PPP1R42: variants seen among roughly 807,000 people sequenced by gnomAD.
PPP1R42 encodes the protein protein phosphatase 1 regulatory subunit 42, also known as leucine rich repeat containing 67.
PPP1R42 carries 34 observed loss-of-function variants against 31.0 expected under a neutral mutation model. The observed-to-expected ratio is 1.10, with a 90% CI of 0.83 to 1.46. The LOEUF (loss-of-function observed/expected upper bound fraction) is 1.46, where lower values mean the gene tolerates loss of function less well. Ranked by LOEUF, PPP1R42 falls within the 40% of genes most tolerant of loss-of-function variation. The pLI is 0.00. For missense variants in PPP1R42, 268 were observed against 303.0 expected (o/e 0.88, Z 0.86); for synonymous variants, 103 against 109.8 (o/e 0.94, Z 0.39).
intron 7 of PPP1R42, among the ~76,000 whole-genome samples, chr8:66,965,318 T>C (rs948282378): frequency 2.0e-5 from 3 of 151,942 alleles, no homozygotes; most frequent in South Asian, 4.2e-4. Context: ...TTGGTGATTA[T>C]GAATAATATT....
chr8:67,006,532 CT>C (rs1436010824), intron 5 of PPP1R42, among the ~76,000 whole-genome samples: 1 of 152,034 alleles, frequency 6.6e-6, no homozygotes, highest in Non-Finnish European at 1.5e-5. Context: ...TTGCTAATTT[CT>C]TTTTTAATTT....
intron 1 of PPP1R42, among the ~76,000 whole-genome samples, chr8:67,023,484 A>G (rs1563436112): frequency 6.6e-6 from 1 of 152,046 alleles, no homozygotes; most frequent in Non-Finnish European, 1.5e-5. Flanking sequence ...TAGAAATTGT[A>G]TTTTCTGTTT....
At chr8:67,016,755 C>G (rs1289129602) in intron 2 of PPP1R42, among the ~76,000 whole-genome samples, 1 of 152,158 alleles carries the variant, frequency 6.6e-6, no homozygotes, top group African/African-American at 2.4e-5. Context: ...CCACGCTTAG[C>G]CAGGATAAAT....
intron 6 of PPP1R42, among the ~76,000 whole-genome samples, chr8:66,986,812 T>TTTCTA (rs1178123475): frequency 6.6e-6 from 1 of 152,180 alleles, no homozygotes; most frequent in Non-Finnish European, 1.5e-5. Context: ...AAGTAAATAC[T>TTTCTA]TTCACAGTCG....
chr8:67,002,129 G>T (rs867925972), intron 5 of PPP1R42, among the ~76,000 whole-genome samples: 1 of 152,282 alleles, frequency 6.6e-6, no homozygotes, highest in Middle Eastern at 3.4e-3. Context: ...CAAGAAGCTT[G>T]TAATAATTCT....
chr8:66,971,226 A>G, intron 7 of PPP1R42: 1 of 999,450 alleles, frequency 1.0e-6, no homozygotes. Context: ...TAGATTATCT[A>G]AAAATTAAAT....
chr8:67,023,792 G>A (rs1816295488), intron 1 of PPP1R42, among the ~76,000 whole-genome samples: 1 of 151,724 alleles, frequency 6.6e-6, no homozygotes, highest in Admixed American at 6.6e-5. Context: ...CACCAAGTAT[G>A]ATATCTGCTG....
chr8:66,986,409 A>C (rs1815017253), intron 6 of PPP1R42, among the ~76,000 whole-genome samples: 1 of 152,170 alleles, frequency 6.6e-6, no homozygotes, highest in Non-Finnish European at 1.5e-5. Flanking sequence ...CACAAACTTC[A>C]GCCCCGAGAC....
chr8:67,023,632 C>T (rs1391157732), intron 1 of PPP1R42, among the ~76,000 whole-genome samples: 1 of 152,070 alleles, frequency 6.6e-6, no homozygotes, highest in African/African-American at 2.4e-5. Context: ...GAGTAACAGT[C>T]TACTACTTCC....
At chr8:66,984,168 A>C in intron 6 of PPP1R42, 33 of 1,592,596 alleles carry the variant, frequency 2.1e-5, no homozygotes, top group Non-Finnish European at 2.8e-5. Flanking sequence ...CACTCAGCGC[A>C]AGGTCCCAGT....
intron 5 of PPP1R42, among the ~76,000 whole-genome samples, chr8:67,006,952 C>A (rs1815703906): frequency 6.7e-6 from 1 of 150,212 alleles, no homozygotes; most frequent in Non-Finnish European, 1.5e-5. Context: ...ACCATGTTAG[C>A]CAGGATGGTC....
intron 2 of PPP1R42, among the ~76,000 whole-genome samples, chr8:67,016,761 T>C (rs572593225): frequency 2.6e-5 from 4 of 152,340 alleles, no homozygotes; most frequent in African/African-American, 9.6e-5. Flanking sequence ...TTAGCCAGGA[T>C]AAATTCTTTA....
At chr8:67,024,548 C>T (rs1348202160) in intron 1 of PPP1R42, among the ~76,000 whole-genome samples, 1 of 149,652 alleles carries the variant, frequency 6.7e-6, no homozygotes. Context: ...CATCCTGGCT[C>T]ACTGCAAGCT....
chr8:67,014,692 T>A, intron 2 of PPP1R42, 100 bp from the exon 3 acceptor site: 1 of 738,752 alleles, frequency 1.4e-6, no homozygotes, highest in Non-Finnish European at 2.1e-6. Context: ...CAAATTTCTC[T>A]AAGGTTAATA....
Position 66,976,888 on chromosome 8 carries a change from T to TA in PPP1R42, c.802+5160dup, listed in dbSNP as rs1043518483. On this transcript the variant is annotated intron_variant, in intron 7 of 7. Coordinates refer to ENST00000685739, the MANE Select transcript of PPP1R42 (RefSeq NM_001364910.1). ...CATGAGGGTGTGGATGTCTCCTTGATACACTGATTTCTTTTCCTTTGGATA... is the reference window on the plus strand; with the variant it reads ...CATGAGGGTGTGGATGTCTCCTTGATAACACTGATTTCTTTTCCTTTGGATA... 9.2e-5 allele frequency among the ~76,000 whole-genome samples: 14 copies of TA among 152,356 alleles called. No homozygotes were observed. In the East Asian group the frequency reaches 2.3e-3, roughly 25 times the overall value.
At chr8:66,999,015 G>A (rs1815409964) in intron 5 of PPP1R42, among the ~76,000 whole-genome samples, 1 of 151,986 alleles carries the variant, frequency 6.6e-6, no homozygotes, top group South Asian at 2.1e-4. Context: ...TTGCTGGTTT[G>A]ATAACATGAG....
intron 5 of PPP1R42, among the ~76,000 whole-genome samples, chr8:67,003,233 C>A (rs952603427): frequency 6.7e-6 from 1 of 149,576 alleles, no homozygotes. Context: ...CCACACTTTC[C>A]ATTTCTCTTC....
intron 7 of PPP1R42, among the ~76,000 whole-genome samples, chr8:66,966,440 C>T (rs1032885455): frequency 2.0e-5 from 3 of 152,186 alleles, no homozygotes; most frequent in Non-Finnish European, 4.4e-5. Flanking sequence ...ATTTTCCCAT[C>T]TATAAAATGG....
intron 7 of PPP1R42, among the ~76,000 whole-genome samples, chr8:66,968,731 A>G (rs1007463498): frequency 6.6e-6 from 1 of 152,160 alleles, no homozygotes; most frequent in African/African-American, 2.4e-5. Context: ...ACTCTGTAAT[A>G]TATTTGATTA....
Sources: allele counts gnomAD v4.1 joint callset (sites outside exome capture counted in the v4.1 genomes callset), GRCh38; gene constraint gnomAD v4.1.1; transcripts MANE v1.5; gene names NCBI Gene and HGNC (gene_info 2026-07-23, HGNC 2026-07-21).